The following CACNB2 variants were observed in gnomAD, a reference collection of about 807,000 sequenced individuals.
CACNB2 encodes the protein calcium voltage-gated channel auxiliary subunit beta 2, also known as voltage-dependent L-type calcium channel subunit beta-2.
Under a neutral mutation model 73.3 loss-of-function variants are expected in CACNB2, and 42 were observed. The observed-to-expected ratio is 0.57, with a 90% confidence interval of 0.45 to 0.74. The LOEUF is 0.74. Among genes scored for constraint, CACNB2 ranks in the 30% least tolerant of loss-of-function variants. CACNB2 has a pLI of 0.00. For missense variants in CACNB2, 940 were observed against 853.0 expected (o/e 1.10, Z -1.27); for synonymous variants, 348 against 310.3 (o/e 1.12, Z -1.28).
intron 2 of CACNB2, among the ~76,000 whole-genome samples, chr10:18,343,001 A>C (rs999567444): frequency 6.6e-6 from 1 of 152,164 alleles, no homozygotes; most frequent in Non-Finnish European, 1.5e-5. Context: ...TCCAAACCTC[A>C]AATGCAGGAA....
chr10:18,500,779 A>T, intron 4 of CACNB2, 33 bp from the exon 5 acceptor site: 1 of 1,608,862 alleles, frequency 6.2e-7, no homozygotes, highest in Non-Finnish European at 8.5e-7. Context: ...CCTTCTGTGC[A>T]CTGATTTTTA....
chr10:18,474,909 A>G (rs1243857879), intron 3 of CACNB2, among the ~76,000 whole-genome samples: 1 of 151,572 alleles, frequency 6.6e-6, no homozygotes, highest in Non-Finnish European at 1.5e-5. Flanking sequence ...GACTGTCCCC[A>G]CTTCAGATGC....
intron 3 of CACNB2, among the ~76,000 whole-genome samples, chr10:18,425,943 G>T (rs911059937): frequency 6.6e-6 from 1 of 151,982 alleles, no homozygotes; most frequent in African/African-American, 2.4e-5. Flanking sequence ...CATATGAGTA[G>T]GTCTGTATCT....
At chr10:18,478,066 G>A (rs2048530066) in intron 3 of CACNB2, among the ~76,000 whole-genome samples, 1 of 152,050 alleles carries the variant, frequency 6.6e-6, no homozygotes, top group Non-Finnish European at 1.5e-5. Context: ...CGGGTAGCTG[G>A]GAATACAGGC....
chr10:18,321,355 C>T (rs1055706337), intron 2 of CACNB2, among the ~76,000 whole-genome samples: 1 of 152,078 alleles, frequency 6.6e-6, no homozygotes, highest in African/African-American at 2.4e-5. Context: ...TTTGAGAATA[C>T]CACAGTACTT....
At chr10:18,379,923 G>A (rs1226310586) in intron 2 of CACNB2, among the ~76,000 whole-genome samples, 1 of 152,130 alleles carries the variant, frequency 6.6e-6, no homozygotes, top group Non-Finnish European at 1.5e-5. Flanking sequence ...CTGGGCTCAA[G>A]CAATCCTCCT....
chr10:18,363,851 A>G (rs529593085), intron 2 of CACNB2, among the ~76,000 whole-genome samples: 5 of 152,048 alleles, frequency 3.3e-5, no homozygotes, highest in Admixed American at 2.0e-4. Context: ...ATCATTTTGG[A>G]TAAGTGCATT....
At chr10:18,310,280 T>C (rs2039906549) in intron 2 of CACNB2, among the ~76,000 whole-genome samples, 1 of 152,158 alleles carries the variant, frequency 6.6e-6, no homozygotes, top group African/African-American at 2.4e-5. Flanking sequence ...TTTACTGTGT[T>C]GATAAACTAA....
chr10:18,164,299 C>G (rs965507726), intron 2 of CACNB2, among the ~76,000 whole-genome samples: 1 of 152,116 alleles, frequency 6.6e-6, no homozygotes, highest in Non-Finnish European at 1.5e-5. Flanking sequence ...TAGACGTTTT[C>G]CCTTGCGCAG....
chr10:18,313,125 A>T (rs1232282487), intron 2 of CACNB2, among the ~76,000 whole-genome samples: 1 of 152,008 alleles, frequency 6.6e-6, no homozygotes, highest in Non-Finnish European at 1.5e-5. Flanking sequence ...CCTAAAAATT[A>T]TTCATCGTTA....
At chr10:18,424,381 A>G (rs2045487746) in intron 3 of CACNB2, among the ~76,000 whole-genome samples, 1 of 152,110 alleles carries the variant, frequency 6.6e-6, no homozygotes, top group Non-Finnish European at 1.5e-5. Flanking sequence ...ATTCGTGCAG[A>G]AATCTCTAAG....
chr10:18,455,939 T>C (rs997346166), intron 3 of CACNB2, among the ~76,000 whole-genome samples: 11 of 152,178 alleles, frequency 7.2e-5, no homozygotes, highest in Non-Finnish European at 1.3e-4. Context: ...GAGGGTGACA[T>C]TTTGTTCCAT....
intron 3 of CACNB2, among the ~76,000 whole-genome samples, chr10:18,463,976 C>T (rs528782121): frequency 6.6e-6 from 1 of 152,208 alleles, no homozygotes; most frequent in East Asian, 1.9e-4. Flanking sequence ...CCTCCCACAG[C>T]TCTAACACAT....
At chr10:18,188,040 A>G (rs1240426876) in intron 2 of CACNB2, among the ~76,000 whole-genome samples, 1 of 152,172 alleles carries the variant, frequency 6.6e-6, no homozygotes, top group African/African-American at 2.4e-5. Context: ...GCTTGGTGAC[A>G]TTTGTATACT....
chr10:18,500,455 A>T (rs753227611), intron 4 of CACNB2, among the ~76,000 whole-genome samples: 8 of 152,194 alleles, frequency 5.3e-5, no homozygotes, highest in Non-Finnish European at 1.0e-4. Context: ...TGATTATATA[A>T]GGGGAAGATT....
rs58888808 is a variant in CACNB2 at position 18,172,510 on chromosome 10, A to G, written c.213+21535A>G. Among the ~76,000 whole-genome samples, 903 of 152,056 alleles carry G rather than the reference A, an allele frequency of 5.9e-3. 8 individuals carry two copies. Among genetic ancestry groups the G allele is most frequent in the African/African-American group, 0.021 (861 of 41,468 alleles). ...TTGTTTTTTTGTAATTTTTTTTCAA[A>G]CTGTACAATATCCCTGAGAGTAGGG... On this transcript the variant is annotated intron_variant, in intron 2 of 13. Coordinates refer to ENST00000324631, the MANE Select transcript of CACNB2 (RefSeq NM_201596.3).
intron 3 of CACNB2, among the ~76,000 whole-genome samples, chr10:18,428,766 C>T (rs1240045332): frequency 2.6e-5 from 4 of 151,760 alleles, no homozygotes; most frequent in African/African-American, 7.2e-5. Flanking sequence ...TTGGAAGTTA[C>T]ACATTATAGT....
rs2041210092 is a variant in CACNB2 at position 18,340,969 on chromosome 10, A to G, written c.214-60955A>G. On this transcript the variant is annotated intron_variant, in intron 2 of 13. Coordinates refer to ENST00000324631, the MANE Select transcript of CACNB2 (RefSeq NM_201596.3). Reference sequence around the variant, plus strand: ...TATAGCTCCTCAAACTAAATACATTATTCCTGGGGTAAGCATACGGGAGAG... The same window carrying G: ...TATAGCTCCTCAAACTAAATACATTGTTCCTGGGGTAAGCATACGGGAGAG... 6.2e-7 allele frequency: 1 copy of G among 1,614,136 alleles called. No homozygotes were observed. Among genetic ancestry groups the G allele is most frequent in the Non-Finnish European group, 8.5e-7 (1 of 1,180,006 alleles).
intron 2 of CACNB2, among the ~76,000 whole-genome samples, chr10:18,390,937 C>A (rs563862465): frequency 3.9e-5 from 6 of 152,242 alleles, no homozygotes; most frequent in African/African-American, 1.4e-4. Flanking sequence ...GTCACTGGTA[C>A]TTTTAGGATT....
Sources: gnomAD v4.1 joint callset for allele counts (sites outside exome capture counted in the v4.1 genomes callset) on GRCh38, gnomAD v4.1.1 for gene constraint, MANE v1.5 for transcripts, NCBI Gene and HGNC (gene_info 2026-07-23, HGNC 2026-07-21) for gene names.